CNNM2: variants seen among roughly 807,000 people sequenced by gnomAD.
CNNM2 encodes the protein cyclin and CBS domain divalent metal cation transport mediator 2, also known as metal transporter CNNM2.
CNNM2 carries 12 observed loss-of-function variants against 66.9 expected under a neutral mutation model. That is an observed-to-expected ratio of 0.18 (90% CI 0.11 to 0.29). The LOEUF (loss-of-function observed/expected upper bound fraction) is 0.29. Among genes scored for constraint, CNNM2 ranks in the 10% least tolerant of loss-of-function variants. The pLI, the probability that CNNM2 is intolerant of heterozygous loss-of-function variation, is 1.00. For missense variants in CNNM2, 705 were observed against 1,167.7 expected (o/e 0.60, Z 5.77); for synonymous variants, 557 against 501.8 (o/e 1.11, Z -1.47).
intron 4 of CNNM2, 29 bp downstream of exon 4, chr10:103,056,993 C>A: frequency 6.3e-7 from 1 of 1,592,084 alleles, no homozygotes; most frequent in South Asian, 1.1e-5. Flanking sequence ...TAGTGGTTTG[C>A]TCTCACTGAG....
intron 1 of CNNM2, among the ~76,000 whole-genome samples, chr10:103,013,011 A>G (rs2064375348): frequency 6.6e-6 from 1 of 152,188 alleles, no homozygotes; most frequent in Non-Finnish European, 1.5e-5. Flanking sequence ...AGAGTAGAAG[A>G]GTGTGCTGCA....
chr10:102,949,806 CAATAAT>C (rs1010381822), intron 1 of CNNM2, among the ~76,000 whole-genome samples: 2 of 151,612 alleles, frequency 1.3e-5, no homozygotes, highest in South Asian at 2.1e-4. Flanking sequence ...ATAATAATAA[CAATAAT>C]AATAATAACA....
rs976118420 is a variant in CNNM2, at chr10:102,918,553, T to A, written c.73T>A (p.Trp25Arg). 6.3e-7 allele frequency: 1 copy of A among 1,595,950 alleles called. No homozygotes were observed. Among genetic ancestry groups the A allele is most frequent in the Admixed American group, 1.7e-5 (1 of 58,396 alleles). The change falls in exon 1 of 8, where the codon TGG (tryptophan) becomes AGG (arginine). Residue 25 changes from tryptophan (W) to arginine (R), a missense_variant. Transcript: ENST00000369878. The surrounding 1 kb of genome is among the most constrained non-coding windows in gnomAD (Gnocchi z 4.1). ...GGQAAAALPT[W>R]KMAARRSLSA... is the part of the protein sequence containing the mutation. Reference sequence around the variant, plus strand: ...GCAGGCAGCCGCCGCACTGCCCACTTGGAAGATGGCGGCGCGCCGCAGCCT... The same window carrying A: ...GCAGGCAGCCGCCGCACTGCCCACTAGGAAGATGGCGGCGCGCCGCAGCCT...
intron 1 of CNNM2, among the ~76,000 whole-genome samples, chr10:102,943,827 A>G (rs1169982804): frequency 6.6e-6 from 1 of 152,148 alleles, no homozygotes; most frequent in Non-Finnish European, 1.5e-5. Context: ...CATTGTCTGT[A>G]GTTAACACAC....
At chr10:102,989,577 C>T (rs898770448) in intron 1 of CNNM2, among the ~76,000 whole-genome samples, 6 of 151,692 alleles carry the variant, frequency 4.0e-5, no homozygotes, top group African/African-American at 1.2e-4. Context: ...CTGAGGCGGG[C>T]GGATCACCTT....
At chr10:102,975,479 A>AAAC (rs2063613822) in intron 1 of CNNM2, among the ~76,000 whole-genome samples, 1 of 150,528 alleles carries the variant, frequency 6.6e-6, no homozygotes, top group Non-Finnish European at 1.5e-5. Flanking sequence ...GAAAAAAAAA[A>AAAC]AAAAAAAAAC....
At chr10:103,039,762 C>T (rs2065007168) in intron 1 of CNNM2, among the ~76,000 whole-genome samples, 1 of 152,138 alleles carries the variant, frequency 6.6e-6, no homozygotes, top group Non-Finnish European at 1.5e-5. Flanking sequence ...GGGCTGACCC[C>T]TTCTTACCTG....
At chr10:102,969,615 A>T (rs1280230347) in intron 1 of CNNM2, among the ~76,000 whole-genome samples, 1 of 152,054 alleles carries the variant, frequency 6.6e-6, no homozygotes, top group Non-Finnish European at 1.5e-5. Context: ...ACTACTCTAT[A>T]ATAGCGGCAA....
chr10:103,062,469 G>C (rs1027395536), intron 4 of CNNM2, among the ~76,000 whole-genome samples: 1 of 151,994 alleles, frequency 6.6e-6, no homozygotes, highest in African/African-American at 2.4e-5. Context: ...CATTTTACTT[G>C]GACACCCAGC....
At chr10:103,003,383 G>A (rs747696953) in intron 1 of CNNM2, among the ~76,000 whole-genome samples, 10 of 151,960 alleles carry the variant, frequency 6.6e-5, no homozygotes, top group Non-Finnish European at 1.3e-4. Context: ...CAAAGTACTG[G>A]GATTACAGGC....
At chr10:103,075,976 C>T (rs1260876637) in intron 6 of CNNM2, 110 bp from the exon 7 acceptor site, 1 of 1,007,252 alleles carries the variant, frequency 9.9e-7, no homozygotes. Context: ...CATCTGGAAT[C>T]AGTTGGCTGG....
At chr10:103,007,126 G>A (rs1054090195) in intron 1 of CNNM2, among the ~76,000 whole-genome samples, 11 of 152,138 alleles carry the variant, frequency 7.2e-5, no homozygotes, top group Admixed American at 2.6e-4. Context: ...CGGTAGGACC[G>A]TGATGCCCAC....
chr10:102,935,998 T>C (rs1846227882), intron 1 of CNNM2, among the ~76,000 whole-genome samples: 1 of 151,670 alleles, frequency 6.6e-6, no homozygotes, highest in African/African-American at 2.4e-5. Flanking sequence ...TTTTTTTGTT[T>C]GTTTTTTTGG....
chr10:102,929,903 A>T (rs1030318811), intron 1 of CNNM2, among the ~76,000 whole-genome samples: 2 of 152,234 alleles, frequency 1.3e-5, no homozygotes, highest in Non-Finnish European at 2.9e-5. Flanking sequence ...TTGCATAAAA[A>T]GTATAAAAAA....
At chr10:103,025,114 C>G (rs562515586) in intron 1 of CNNM2, among the ~76,000 whole-genome samples, 2 of 152,034 alleles carry the variant, frequency 1.3e-5, no homozygotes, top group Admixed American at 6.5e-5. Context: ...ATTTTTGAGA[C>G]AGCGTCTCGC....
chr10:103,022,910 A>ATTTTT (rs35848004), intron 1 of CNNM2, among the ~76,000 whole-genome samples: 1 of 150,258 alleles, frequency 6.7e-6, no homozygotes, highest in South Asian at 2.1e-4. Context: ...CAGACTCTTT[A>ATTTTT]TTTTTTTTTG....
At chr10:103,010,623 T>C (rs2064324133) in intron 1 of CNNM2, among the ~76,000 whole-genome samples, 1 of 152,128 alleles carries the variant, frequency 6.6e-6, no homozygotes, top group African/African-American at 2.4e-5. Flanking sequence ...TGATTTTTAT[T>C]TTCTTTTTTG....
chr10:102,940,191 T>C (rs1846378753), intron 1 of CNNM2, among the ~76,000 whole-genome samples: 2 of 152,266 alleles, frequency 1.3e-5, no homozygotes, highest in South Asian at 4.1e-4. Flanking sequence ...TGACCTCAAG[T>C]GATCTGCCTG....
chr10:102,941,060 G>A (rs1846414850), intron 1 of CNNM2, among the ~76,000 whole-genome samples: 1 of 151,922 alleles, frequency 6.6e-6, no homozygotes, highest in Non-Finnish European at 1.5e-5. Context: ...GTGAGCCATT[G>A]CGCCCAGCCT....
Sources: allele counts gnomAD v4.1 joint callset (sites outside exome capture counted in the v4.1 genomes callset), GRCh38; gene constraint gnomAD v4.1.1; non-coding constraint Gnocchi (gnomAD v3.1); transcripts MANE v1.5; gene names NCBI Gene and HGNC (gene_info 2026-07-23, HGNC 2026-07-21).